The following RNF121 variants were observed in gnomAD, a reference collection of about 807,000 sequenced individuals.
RNF121 encodes the protein E3 ubiquitin ligase RNF121.
Under a neutral mutation model 46.5 loss-of-function variants are expected in RNF121, and 21 were observed. The ratio of observed to expected loss-of-function variants is 0.45; its 90% CI spans 0.32 to 0.65. The LOEUF (loss-of-function observed/expected upper bound fraction) is 0.65. Ranked by LOEUF, RNF121 falls within the 30% of genes least tolerant of loss-of-function variation. The pLI, the probability that RNF121 is intolerant of heterozygous loss-of-function variation, is 0.04. For missense variants in RNF121, 346 were observed against 416.0 expected (o/e 0.83, Z 1.46); for synonymous variants, 139 against 144.7 (o/e 0.96, Z 0.28).
chr11:71,965,437 G>A (rs189257412), intron 3 of RNF121, among the ~76,000 whole-genome samples: 118 of 151,994 alleles, frequency 7.8e-4, no homozygotes, highest in Admixed American at 6.0e-3. Flanking sequence ...TTTTTATAGA[G>A]ATGGTTTTAT....
intron 4 of RNF121, among the ~76,000 whole-genome samples, chr11:71,985,566 T>A (rs971666064): frequency 6.6e-6 from 1 of 152,162 alleles, no homozygotes; most frequent in African/African-American, 2.4e-5. Context: ...GACCTTTCCC[T>A]AGCCTGAGAA....
At chr11:71,947,247 C>T (rs888904134) in intron 1 of RNF121, among the ~76,000 whole-genome samples, 21 of 152,222 alleles carry the variant, frequency 1.4e-4, no homozygotes, top group Middle Eastern at 6.8e-3. Flanking sequence ...GTGGCTCACA[C>T]CTGTAATCCG....
chr11:71,988,229 A>G (rs1231004348), intron 5 of RNF121, among the ~76,000 whole-genome samples: 5 of 152,260 alleles, frequency 3.3e-5, no homozygotes, highest in Non-Finnish European at 5.9e-5. Flanking sequence ...AGGTCCTCCC[A>G]CCCCGAATTG....
At chr11:71,949,456 C>G (rs1223612259) in intron 1 of RNF121, among the ~76,000 whole-genome samples, 3 of 152,010 alleles carry the variant, frequency 2.0e-5, no homozygotes, top group African/African-American at 7.2e-5. Context: ...GGCTAATGCC[C>G]GTAATCCCAA....
At chr11:71,933,660 T>A (rs1953329948) in intron 1 of RNF121, among the ~76,000 whole-genome samples, 1 of 152,204 alleles carries the variant, frequency 6.6e-6, no homozygotes, top group Non-Finnish European at 1.5e-5. Flanking sequence ...CTCAGCCCGC[T>A]TGTACTTTGT....
intron 3 of RNF121, among the ~76,000 whole-genome samples, chr11:71,965,810 C>G (rs1448581512): frequency 6.6e-6 from 1 of 152,100 alleles, no homozygotes; most frequent in Non-Finnish European, 1.5e-5. Context: ...GTTTACAATC[C>G]ATCAACACAG....
chr11:71,956,396 T>G (rs796522442), intron 1 of RNF121, among the ~76,000 whole-genome samples: 6 of 152,306 alleles, frequency 3.9e-5, no homozygotes, highest in African/African-American at 1.4e-4. Context: ...TCTAGAGCAG[T>G]GGTTTTCAAC....
chr11:71,947,317 A>G lies in RNF121; in HGVS notation c.64-9910A>G, dbSNP rs185386986. Among the ~76,000 whole-genome samples the G allele has an allele frequency of 2.2e-4, 34 of 152,160 alleles. No homozygotes were observed. In the East Asian group the frequency reaches 2.3e-3, roughly 10 times the overall value. On this transcript the variant is annotated intron_variant, in intron 1 of 8. Transcript: ENST00000361756. The stretch of plus-strand genomic sequence containing the variant: ...GAGCCCAGAAGTTTGTAGAGACCTC[A>G]TCTTTACAGAAAATAACAAAAATTA...
intron 1 of RNF121, among the ~76,000 whole-genome samples, chr11:71,946,937 G>A (rs1019185337): frequency 7.4e-5 from 10 of 134,726 alleles, no homozygotes; most frequent in Middle Eastern, 6.0e-3. Context: ...GCATGATCTC[G>A]GCTTGCTGCA....
chr11:71,935,846 C>CT (rs994241423), intron 1 of RNF121, among the ~76,000 whole-genome samples: 9,077 of 114,780 alleles, frequency 0.079, 566 homozygotes, highest in Non-Finnish European at 0.12. Flanking sequence ...TATTCTTTTT[C>CT]TTTTTTTTTT....
chr11:71,986,746 G>T (rs546069947), intron 4 of RNF121, among the ~76,000 whole-genome samples: 1 of 148,280 alleles, frequency 6.7e-6, no homozygotes, highest in South Asian at 2.2e-4. Context: ...TCCAGCTTGG[G>T]TGACAGAGCG....
chr11:71,961,390 A>G lies in RNF121; in HGVS notation c.243+499A>G, dbSNP rs181284938. ...AGCCTGGGCAACATGGCAAAACCCT[A>G]TATCTACAAAAAATAGAGAAATTAG... On this transcript the variant is annotated intron_variant, in intron 3 of 8. Transcript: ENST00000361756. Among the ~76,000 whole-genome samples the G allele has an allele frequency of 2.3e-3, 344 of 152,224 alleles. 3 individuals are homozygous for G. Among genetic ancestry groups the G allele is most frequent in the African/African-American group, 7.7e-3 (320 of 41,540 alleles).
At chr11:71,931,076 C>T (rs561706189) in intron 1 of RNF121, among the ~76,000 whole-genome samples, 56 of 152,250 alleles carry the variant, frequency 3.7e-4, no homozygotes, top group Admixed American at 7.8e-4. Context: ...TCAGGTGAGC[C>T]GCCGATCTTG....
At chr11:71,933,470 T>G (rs1252192377) in intron 1 of RNF121, among the ~76,000 whole-genome samples, 1 of 152,226 alleles carries the variant, frequency 6.6e-6, no homozygotes, top group Non-Finnish European at 1.5e-5. Flanking sequence ...CTGGACTAGA[T>G]TGGTGGTTTT....
chr11:71,994,861 C>T lies in RNF121; in HGVS notation c.761+9C>T. 1 of 1,614,084 alleles carries T rather than the reference C, an allele frequency of 6.2e-7. No homozygotes were observed. Among genetic ancestry groups the T allele is most frequent in the South Asian group, 1.1e-5 (1 of 91,080 alleles). On this transcript the variant is annotated intron_variant, in intron 7 of 8. Transcript: ENST00000361756. Reference sequence around the variant, plus strand: ...CTGTCCTGCAATCATGTGTATCCTGCCTCGAGCTCCTGGGCCACATCTCTC... The same window carrying T: ...CTGTCCTGCAATCATGTGTATCCTGTCTCGAGCTCCTGGGCCACATCTCTC...
chr11:71,966,870 G>T (rs1590795202), intron 3 of RNF121, among the ~76,000 whole-genome samples: 1 of 130,894 alleles, frequency 7.6e-6, no homozygotes, highest in Non-Finnish European at 1.7e-5. Flanking sequence ...TGGGTTTTTT[G>T]TTTTTTTTTT....
Position 71,997,203 on chromosome 11 carries a change from C to CGTGTGTGT in RNF121, c.*905_*912dup, listed in dbSNP as rs3841467. On this transcript the variant is annotated 3_prime_UTR_variant, in exon 9 of 9. Coordinates refer to ENST00000361756, the MANE Select transcript of RNF121 (RefSeq NM_018320.5). ...TCTTGAAAGCCTAAGAGTGCGTATG[C>CGTGTGTGT]GTGTGTGTGTGTGTGTGTGTGTGTA... 9.4e-4 allele frequency: 141 copies of CGTGTGTGT among 150,244 alleles called. No homozygotes were observed. The highest frequency in any genetic ancestry group is 3.3e-3 in the African/African-American group (136 of 40,936). 9.3% of individuals were successfully genotyped at this position (150,244 alleles called of 1,614,324 possible).
At chr11:71,988,640 T>TAAA (rs35970528) in intron 5 of RNF121, among the ~76,000 whole-genome samples, 3 of 137,722 alleles carry the variant, frequency 2.2e-5, no homozygotes, top group South Asian at 4.7e-4. Flanking sequence ...TCTCAACTCT[T>TAAA]AAAAAAAAAA....
intron 1 of RNF121, among the ~76,000 whole-genome samples, chr11:71,949,127 T>C (rs1303736404): frequency 6.6e-6 from 1 of 152,168 alleles, no homozygotes. Context: ...TGTGAAAGAA[T>C]GAAGTCTTGG....
Sources: gnomAD v4.1 joint callset for allele counts (sites outside exome capture counted in the v4.1 genomes callset) on GRCh38, gnomAD v4.1.1 for gene constraint, MANE v1.5 for transcripts, NCBI Gene and HGNC (gene_info 2026-07-23, HGNC 2026-07-21) for gene names.